WDR75: variants seen among roughly 807,000 people sequenced by gnomAD.
The protein encoded by WDR75 is WD repeat domain 75.
WDR75 carries 52 observed loss-of-function variants against 106.1 expected under a neutral mutation model. The ratio of observed to expected loss-of-function variants is 0.49; its 90% CI spans 0.39 to 0.62. The LOEUF (loss-of-function observed/expected upper bound fraction) is 0.62. Among genes scored for constraint, WDR75 ranks in the 20% least tolerant of loss-of-function variants. The probability of loss-of-function intolerance (pLI) is 0.00; values close to 1 mark genes in which losing one functional copy is unlikely to be tolerated. For synonymous variants in WDR75, 333 were observed against 335.5 expected (o/e 0.99, Z 0.08); for missense variants, 905 against 970.3 (o/e 0.93, Z 0.89).
In WDR75 at chr2:189,463,739, A is replaced by G. The variant is rs1329644760; in HGVS notation, c.983A>G (p.Gln328Arg). The G allele has an allele frequency of 1.2e-6, 2 of 1,613,832 alleles. No individual in the cohort carries two copies. Among genetic ancestry groups the G allele is most frequent in the Admixed American group, 3.3e-5 (2 of 60,010 alleles). The part of the protein sequence containing the change: ...HRNLEASAVI[Q>R]GLVKDRSIFT... Reference sequence around the variant, plus strand: ...AACCTTGAAGCATCCGCAGTAATTCAAGGCCTAGTGAAAGGTATTGCAGAA... The same window carrying G: ...AACCTTGAAGCATCCGCAGTAATTCGAGGCCTAGTGAAAGGTATTGCAGAA... The change falls in exon 10 of 21, where the codon CAA (glutamine) becomes CGA (arginine). Residue 328 changes from glutamine to arginine, a missense_variant. Physicochemically the swap from Gln to Arg is conservative, Grantham distance 43. Transcript: ENST00000314761.
chr2:189,457,255 A>C, intron 5 of WDR75, 56 bp from the exon 6 acceptor site: 1 of 1,289,912 alleles, frequency 7.8e-7, no homozygotes, highest in South Asian at 1.3e-5. Flanking sequence ...AAAAAAAGAA[A>C]AAAAAAAGAG....
In WDR75 at chr2:189,441,533, G is replaced by T. The variant is rs1373949473; in HGVS notation, c.41G>T (p.Gly14Val). The T allele has an allele frequency of 2.6e-6, 4 of 1,565,022 alleles. No homozygotes were observed. The highest frequency in any genetic ancestry group is 3.5e-6 in the Non-Finnish European group (4 of 1,153,546). Residue 14 changes from glycine (G) to valine (V), a missense_variant, in exon 1 of 21, where the codon GGC becomes GTC. Gly to Val is a moderately radical substitution (Grantham distance 109). Coordinates refer to ENST00000314761, the MANE Select transcript of WDR75 (RefSeq NM_032168.3). ...AACATCCGCGTGGTTCGTTGTGGCGGCAGCGAGTTGAACTTTAGGAGAGCT... is the reference window on the plus strand; with the variant it reads ...AACATCCGCGTGGTTCGTTGTGGCGTCAGCGAGTTGAACTTTAGGAGAGCT... ...EENIRVVRCG[G>V]SELNFRRAVF...
At chr2:189,465,044 A>T in intron 11 of WDR75, 35 bp from the exon 12 acceptor site, 1 of 1,447,416 alleles carries the variant, frequency 6.9e-7, no homozygotes, top group Non-Finnish European at 9.4e-7. Flanking sequence ...TATGTTAATA[A>T]ACATTTTGGT....
At chr2:189,450,185 G>A (rs756410923) in intron 2 of WDR75, 34 of 980,548 alleles carry the variant, frequency 3.5e-5, no homozygotes, top group Non-Finnish European at 3.9e-5. Context: ...TGAAAGTATT[G>A]GTCCTTGATG....
chr2:189,468,874 T>C (rs1687058324), intron 15 of WDR75, among the ~76,000 whole-genome samples: 1 of 152,220 alleles, frequency 6.6e-6, no homozygotes, highest in Non-Finnish European at 1.5e-5. Flanking sequence ...TAATGTTTTC[T>C]GCTCATTTTT....
intron 3 of WDR75, among the ~76,000 whole-genome samples, 173 bp downstream of exon 3, chr2:189,451,141 A>C (rs1483541081): frequency 6.6e-6 from 1 of 152,234 alleles, no homozygotes; most frequent in African/African-American, 2.4e-5. Flanking sequence ...CTTATAAAAG[A>C]CAAGGTAAAG....
chr2:189,467,409 A>G (rs747870746), intron 13 of WDR75, 59 bp from the exon 14 acceptor site: 6 of 1,504,020 alleles, frequency 4.0e-6, no homozygotes, highest in Non-Finnish European at 5.3e-6. Flanking sequence ...AGGGGGAACT[A>G]CTGTAGCATT....
In WDR75 at chr2:189,474,219, T is replaced by C. The variant is rs1318574127; in HGVS notation, c.2083T>C (p.Phe695Leu). 6.2e-7 allele frequency: 1 copy of C among 1,613,446 alleles called. No homozygotes were observed. The highest frequency in any genetic ancestry group is 8.5e-7 in the Non-Finnish European group (1 of 1,179,742). The change falls in exon 19 of 21, where the codon TTT (phenylalanine) becomes CTT (leucine). Residue 695 changes from phenylalanine (F) to leucine (L), a missense_variant. By Grantham distance (22) the Phe-to-Leu change is conservative. Transcript: ENST00000314761. ...AGAAGAAAGTCTTCCCACAACCCCATTTTATTTCATATTGGGAAAACACAG... is the reference window on the plus strand; with the variant it reads ...AGAAGAAAGTCTTCCCACAACCCCACTTTATTTCATATTGGGAAAACACAG... ...LAEESLPTTP[F>L]YFILGKHRQQ...
chr2:189,442,442 C>CTTTTTT (rs1188214718), intron 1 of WDR75, among the ~76,000 whole-genome samples: 5,389 of 73,876 alleles, frequency 0.073, 1,455 homozygotes, highest in Middle Eastern at 0.12. Flanking sequence ...CCACAATATT[C>CTTTTTT]TTTTTTTTTT....
intron 1 of WDR75, among the ~76,000 whole-genome samples, chr2:189,442,313 CATT>C (rs1223900484): frequency 6.6e-6 from 1 of 152,010 alleles, no homozygotes; most frequent in Non-Finnish European, 1.5e-5. Flanking sequence ...TAGCTGTAAT[CATT>C]ATTACTGTAT....
chr2:189,466,233 A>G (rs781075829), intron 12 of WDR75, among the ~76,000 whole-genome samples, 192 bp from the exon 13 acceptor site: 8 of 152,170 alleles, frequency 5.3e-5, no homozygotes, highest in African/African-American at 1.2e-4. Context: ...ACACAAGGGC[A>G]AAGGTGATAT....
At position 189,465,203 on chromosome 2, in the gene WDR75, C is replaced by T. The variant is rs141018007; in HGVS notation, c.1238C>T (p.Thr413Ile). Residue 413 changes from threonine (T) to isoleucine (I), a missense_variant, in exon 12 of 21, where the codon ACT becomes ATT. Transcript: ENST00000314761. ...ATVEQRQEKE[T>I]ELELQMKLWM... is the part of the protein sequence containing the mutation. ...GTGGAACAGCGGCAAGAAAAGGAAACTGAGCTTGAATTGCAAATGAAACTG... is the reference window on the plus strand; with the variant it reads ...GTGGAACAGCGGCAAGAAAAGGAAATTGAGCTTGAATTGCAAATGAAACTG... The T allele has an allele frequency of 2.4e-4, 393 of 1,612,930 alleles. No individual in the cohort carries two copies. The highest frequency in any genetic ancestry group is 3.1e-4 in the Non-Finnish European group (366 of 1,179,312).
intron 1 of WDR75, among the ~76,000 whole-genome samples, chr2:189,442,442 C>CTT (rs1188214718): frequency 0.4 from 29,097 of 72,784 alleles, 10,674 homozygotes; most frequent in East Asian, 0.61. Flanking sequence ...CCACAATATT[C>CTT]TTTTTTTTTT....
intron 8 of WDR75, among the ~76,000 whole-genome samples, chr2:189,459,650 T>C (rs1260550327): frequency 2.0e-5 from 3 of 152,372 alleles, no homozygotes; most frequent in Non-Finnish European, 4.4e-5. Flanking sequence ...CTCTGTTGTT[T>C]ACATAAATAA....
intron 18 of WDR75, among the ~76,000 whole-genome samples, chr2:189,473,469 C>T (rs964467603): frequency 6.6e-5 from 10 of 152,168 alleles, no homozygotes; most frequent in African/African-American, 1.9e-4. Context: ...AAATTCTATG[C>T]GTTCCTGCCT....
intron 2 of WDR75, 62 bp downstream of exon 2, chr2:189,448,570 A>G: frequency 6.3e-7 from 1 of 1,578,342 alleles, no homozygotes; most frequent in Non-Finnish European, 8.6e-7. Context: ...GAAAAATTTG[A>G]GTTGAATTTG....
intron 1 of WDR75, among the ~76,000 whole-genome samples, chr2:189,446,632 A>G (rs185633969): frequency 7.9e-5 from 12 of 152,318 alleles, no homozygotes; most frequent in Admixed American, 2.0e-4. Context: ...CCAGTTTGCA[A>G]CAAATTTAGT....
chr2:189,449,766 A>G (rs1574188965), intron 2 of WDR75: 2 of 984,684 alleles, frequency 2.0e-6, no homozygotes, highest in Non-Finnish European at 2.4e-6. Context: ...TAATTGTGAT[A>G]TAAATTTCCT....
At position 189,467,923 on chromosome 2, in the gene WDR75, T is replaced by C. The variant is rs570584332; in HGVS notation, c.1628+275T>C. On this transcript the variant is annotated intron_variant, in intron 14 of 20. Coordinates refer to ENST00000314761, the MANE Select transcript of WDR75 (RefSeq NM_032168.3). ...TGGTAACAGAAGCTATACATAAGCC[T>C]CAGGGGATCCAAACCTTCTTATTTT... Among the ~76,000 whole-genome samples, 3 of 152,198 alleles carry C rather than the reference T, an allele frequency of 2.0e-5. No individual in the cohort carries two copies. In the South Asian group the frequency reaches 6.2e-4, roughly 31 times the overall value.
Sources: gnomAD v4.1 joint callset for allele counts (sites outside exome capture counted in the v4.1 genomes callset) on GRCh38, gnomAD v4.1.1 for gene constraint, MANE v1.5 for transcripts, NCBI Gene and HGNC (gene_info 2026-07-23, HGNC 2026-07-21) for gene names.